RALYL: variants seen among roughly 807,000 people sequenced by gnomAD.
RALYL encodes the protein RALY RNA binding protein like.
In RALYL, 29 loss-of-function variants were observed where a neutral mutation model predicts 35.1. The observed-to-expected ratio is 0.83, with a 90% confidence interval of 0.61 to 1.13. RALYL has a LOEUF of 1.13. RALYL is among the 50% of genes most tolerant of loss of function. The pLI is 0.00. For missense variants in RALYL, 359 were observed against 360.4 expected (o/e 1.00, Z 0.03); for synonymous variants, 120 against 127.6 (o/e 0.94, Z 0.40).
chr8:84,462,335 C>T (rs531331204), intron 1 of RALYL, among the ~76,000 whole-genome samples: 3 of 151,312 alleles, frequency 2.0e-5, no homozygotes, highest in Admixed American at 2.0e-4. Flanking sequence ...GTTTTGGACA[C>T]CAGTCTCTTT....
chr8:84,445,756 C>T (rs1482411642), intron 1 of RALYL, among the ~76,000 whole-genome samples: 3 of 151,492 alleles, frequency 2.0e-5, no homozygotes, highest in African/African-American at 7.3e-5. Flanking sequence ...AAAACGTGGG[C>T]TCCCTCTTGT....
intron 1 of RALYL, among the ~76,000 whole-genome samples, chr8:84,487,536 A>G (rs1310838090): frequency 1.3e-5 from 2 of 152,114 alleles, no homozygotes; most frequent in Non-Finnish European, 2.9e-5. Context: ...CAGTTTTTAA[A>G]TATATGATAG....
intron 1 of RALYL, among the ~76,000 whole-genome samples, chr8:84,402,713 T>C (rs1017094907): frequency 6.6e-6 from 1 of 152,210 alleles, no homozygotes; most frequent in Admixed American, 6.5e-5. Flanking sequence ...AGAAATTACA[T>C]GCTGTTTCTG....
intron 8 of RALYL, among the ~76,000 whole-genome samples, chr8:84,899,186 TCA>T (rs1398161966): frequency 6.6e-6 from 1 of 152,202 alleles, no homozygotes; most frequent in Non-Finnish European, 1.5e-5. Context: ...TTAAAGATCA[TCA>T]TTCTGTGTCA....
intron 4 of RALYL, among the ~76,000 whole-genome samples, chr8:84,807,879 T>G (rs556343924): frequency 2.0e-4 from 30 of 152,314 alleles, no homozygotes; most frequent in African/African-American, 7.0e-4. Flanking sequence ...TTTTTCTTAC[T>G]GATTTGATTG....
intron 1 of RALYL, among the ~76,000 whole-genome samples, chr8:84,203,857 C>G (rs1817472326): frequency 6.6e-6 from 1 of 151,666 alleles, no homozygotes; most frequent in South Asian, 2.1e-4. Flanking sequence ...TCACTGATGC[C>G]CTGGATGAAA....
intron 8 of RALYL, among the ~76,000 whole-genome samples, chr8:84,912,443 G>T (rs184357308): frequency 6.6e-6 from 1 of 152,060 alleles, no homozygotes; most frequent in East Asian, 1.9e-4. Flanking sequence ...CCCTTAAAAA[G>T]GTCAATAATG....
intron 1 of RALYL, among the ~76,000 whole-genome samples, chr8:84,425,638 A>G (rs2046321674): frequency 6.6e-6 from 1 of 152,080 alleles, no homozygotes; most frequent in Admixed American, 6.6e-5. Flanking sequence ...GCAATTCTAA[A>G]CTTTTCTCTC....
intron 2 of RALYL, among the ~76,000 whole-genome samples, chr8:84,701,313 A>C (rs541003759): frequency 9.2e-5 from 14 of 152,242 alleles, no homozygotes; most frequent in Admixed American, 1.3e-4. Flanking sequence ...CTTTTCAGCA[A>C]ACTTGTAGGA....
intron 1 of RALYL, among the ~76,000 whole-genome samples, chr8:84,439,155 A>T (rs1008515959): frequency 6.6e-6 from 1 of 152,056 alleles, no homozygotes; most frequent in Non-Finnish European, 1.5e-5. Flanking sequence ...AATAGTGTTG[A>T]ATCCATAGAT....
At chr8:84,398,051 A>C (rs16912786) in intron 1 of RALYL, among the ~76,000 whole-genome samples, 1 of 152,196 alleles carries the variant, frequency 6.6e-6, no homozygotes, top group Non-Finnish European at 1.5e-5. Flanking sequence ...TGCAACAAGA[A>C]GTGTTAAATG....
rs1305196925 is a variant in RALYL at position 84,728,121 on chromosome 8, C to A, written c.257-46458C>A. Among the ~76,000 whole-genome samples the A allele has an allele frequency of 2.6e-5, 4 of 151,554 alleles. No homozygotes were observed. In the East Asian group the frequency reaches 5.8e-4, roughly 22 times the overall value. ...TAAAAGTGTTCCTATTTCTCCACAT[C>A]CTCTCCAGCACCTGTTGTTTCCTGA... On this transcript the variant is annotated intron_variant, in intron 2 of 8. Coordinates refer to ENST00000521268, the MANE Select transcript of RALYL (RefSeq NM_173848.7).
At chr8:84,367,310 ATTTTTGTATTTTT>A in intron 1 of RALYL, among the ~76,000 whole-genome samples, 1 of 71,072 alleles carries the variant, frequency 1.4e-5, no homozygotes, top group African/African-American at 4.4e-5. Flanking sequence ...TGCCCAACTA[ATTTTTGTATTTTT>A]TTTTTTTTTT....
chr8:84,272,232 A>G (rs958504138), intron 1 of RALYL, among the ~76,000 whole-genome samples: 3 of 151,984 alleles, frequency 2.0e-5, no homozygotes, highest in African/African-American at 7.3e-5. Context: ...AGCTGGGAAA[A>G]CAGGCGCCCA....
intron 2 of RALYL, among the ~76,000 whole-genome samples, chr8:84,673,759 C>T (rs1272055748): frequency 6.6e-6 from 1 of 152,162 alleles, no homozygotes; most frequent in African/African-American, 2.4e-5. Flanking sequence ...CTTCCAGTAC[C>T]ATGCTGCTTT....
intron 4 of RALYL, among the ~76,000 whole-genome samples, chr8:84,810,695 T>A (rs1167643716): frequency 6.6e-6 from 1 of 152,196 alleles, no homozygotes; most frequent in Non-Finnish European, 1.5e-5. Flanking sequence ...ATGTTTAGGA[T>A]TGTGATATTT....
intron 2 of RALYL, among the ~76,000 whole-genome samples, chr8:84,683,121 G>T (rs1835957266): frequency 6.6e-6 from 1 of 152,160 alleles, no homozygotes; most frequent in South Asian, 2.1e-4. Context: ...TTCAGGAGCA[G>T]GTTTTTCAGT....
chr8:84,457,910 G>A (rs541130041), intron 1 of RALYL, among the ~76,000 whole-genome samples: 1 of 151,680 alleles, frequency 6.6e-6, no homozygotes, highest in East Asian at 1.9e-4. Flanking sequence ...TCTAAATTAT[G>A]CTGTGTCATT....
At chr8:84,690,770 T>C (rs1451209122) in intron 2 of RALYL, among the ~76,000 whole-genome samples, 1 of 152,084 alleles carries the variant, frequency 6.6e-6, no homozygotes, top group Non-Finnish European at 1.5e-5. Flanking sequence ...TTAAGTCTTA[T>C]AGCCAAATAT....
Sources: gnomAD v4.1 joint callset for allele counts (sites outside exome capture counted in the v4.1 genomes callset) on GRCh38, gnomAD v4.1.1 for gene constraint, MANE v1.5 for transcripts, NCBI Gene and HGNC (gene_info 2026-07-23, HGNC 2026-07-21) for gene names.